SP3: variants seen among roughly 807,000 people sequenced by gnomAD.
SP3 encodes the protein transcription factor Sp3.
Under a neutral mutation model 70.3 loss-of-function variants are expected in SP3, and 10 were observed. The ratio of observed to expected loss-of-function variants is 0.14; its 90% CI spans 0.09 to 0.24. SP3 has a LOEUF of 0.24. Ranked by LOEUF, SP3 falls within the 10% of genes least tolerant of loss-of-function variation. The pLI is 1.00. For synonymous variants in SP3, 402 were observed against 333.5 expected, an observed-to-expected ratio of 1.21 and a Z score of -2.24; for missense variants, 825 against 914.6, an observed-to-expected ratio of 0.90 and a Z score of 1.26.
intron 4 of SP3, among the ~76,000 whole-genome samples, chr2:173,933,136 AT>A (rs959021430): frequency 9.9e-5 from 15 of 151,574 alleles, no homozygotes; most frequent in African/African-American, 2.7e-4. Context: ...CACATTCTTC[AT>A]TTTTTTTTAA....
rs980332957 is a variant in SP3 at position 173,904,440 on chromosome 2, T to G, written c.*5501A>C. ...AAAACTAAGTTGGGGAGTCTCTCTG[T>G]AAGGTTTTAAGGCTATCTTGTGGAA... On this transcript the variant is annotated 3_prime_UTR_variant, in exon 7 of 7. Transcript: ENST00000310015. 6.6e-6 allele frequency among the ~76,000 whole-genome samples: 1 copy of G among 152,030 alleles called. No homozygotes were observed. Among genetic ancestry groups the G allele is most frequent in the African/African-American group, 2.4e-5 (1 of 41,326 alleles).
Position 173,902,489 on chromosome 2 carries a change from G to A in SP3, c.*7452C>T, listed in dbSNP as rs1476012406. Reference sequence around the variant, plus strand: ...TTCAAGTTCTAGATACATATCTCAAGAAATGCTCACATGTACACAAGGAAA... The same window carrying A: ...TTCAAGTTCTAGATACATATCTCAAAAAATGCTCACATGTACACAAGGAAA... On this transcript the variant is annotated 3_prime_UTR_variant, in exon 7 of 7. Coordinates refer to ENST00000310015, the MANE Select transcript of SP3 (RefSeq NM_003111.5). Among the ~76,000 whole-genome samples, 1 of 152,164 alleles carries A rather than the reference G, an allele frequency of 6.6e-6. No individual in the cohort carries two copies. Among genetic ancestry groups the A allele is most frequent in the Non-Finnish European group, 1.5e-5 (1 of 68,026 alleles).
intron 4 of SP3, among the ~76,000 whole-genome samples, chr2:173,929,246 G>C (rs972024307): frequency 3.3e-5 from 5 of 152,128 alleles, no homozygotes; most frequent in African/African-American, 9.7e-5. Context: ...TAAAGGAAAG[G>C]GCAATTCAAT....
intron 5 of SP3, chr2:173,914,332 C>A (rs1230443003): frequency 6.6e-6 from 1 of 151,982 alleles, no homozygotes; most frequent in Admixed American, 6.6e-5. Flanking sequence ...CCCAATCTCA[C>A]AGTTTAGGCA....
rs71405167 is a variant in SP3, at chr2:173,933,638, T to TATA, written c.1640-14854_1640-14853insTAT. 6.4e-4 allele frequency among the ~76,000 whole-genome samples: 55 copies of TATA among 86,556 alleles called. 1 individual carries two copies. Among genetic ancestry groups the TATA allele is most frequent in the East Asian group, 1.9e-3 (6 of 3,104 alleles). The allele number at this position is 86,556 out of a possible 152,430, so 56.8% of individuals were successfully genotyped here. On this transcript the variant is annotated intron_variant, in intron 4 of 6. Transcript: ENST00000310015. Reference sequence around the variant, plus strand: ...ACAAATGACTAACATTTATAAAACTTTATATATATATATATATATATATAT... The same window carrying TATA: ...ACAAATGACTAACATTTATAAAACTTATATATATATATATATATATATATATAT...
At chr2:173,923,332 G>A (rs1304892401) in intron 4 of SP3, among the ~76,000 whole-genome samples, 2 of 151,538 alleles carry the variant, frequency 1.3e-5, no homozygotes, top group African/African-American at 4.8e-5. Flanking sequence ...GAATTGAAGA[G>A]AAAAAAACAG....
At chr2:173,941,597 C>T (rs1690374678) in intron 4 of SP3, among the ~76,000 whole-genome samples, 1 of 151,936 alleles carries the variant, frequency 6.6e-6, no homozygotes, top group Non-Finnish European at 1.5e-5. Context: ...GAGACCCTGC[C>T]TAAAAAAAAG....
At chr2:173,960,120 T>C (rs531729277) in intron 3 of SP3, among the ~76,000 whole-genome samples, 2 of 152,292 alleles carry the variant, frequency 1.3e-5, no homozygotes, top group South Asian at 4.1e-4. Flanking sequence ...CAGTGAGTTG[T>C]AATCACACAC....
chr2:173,964,873 G>A (rs941983928), intron 1 of SP3: 101 of 493,258 alleles, frequency 2.0e-4, no homozygotes, highest in Middle Eastern at 5.2e-4. Context: ...CTCTCGCACC[G>A]TCAGTCACTC....
chr2:173,911,800 ATC>A (rs1479988439), intron 6 of SP3, among the ~76,000 whole-genome samples: 4 of 146,704 alleles, frequency 2.7e-5, no homozygotes, highest in Non-Finnish European at 6.0e-5. Context: ...GCAACGCAAA[ATC>A]TTTTATCTAC....
rs1432054370 is a variant in SP3, at chr2:173,904,030, TCTAC to T, written c.*5907_*5910del. ...GGGGATGGTTGTAGGATGAAACTGC[TCTAC>T]CTCAGATCATCAGACATTAGATTCT... is the stretch of plus-strand genomic sequence containing the variant. On this transcript the variant is annotated 3_prime_UTR_variant, in exon 7 of 7. Coordinates refer to ENST00000310015, the MANE Select transcript of SP3 (RefSeq NM_003111.5). Among the ~76,000 whole-genome samples the T allele has an allele frequency of 6.6e-6, 1 of 152,138 alleles. No homozygotes were observed. The highest frequency in any genetic ancestry group is 1.5e-5 in the Non-Finnish European group (1 of 68,012).
At chr2:173,920,701 C>T (rs1483172243) in intron 4 of SP3, among the ~76,000 whole-genome samples, 2 of 152,074 alleles carry the variant, frequency 1.3e-5, no homozygotes, top group Admixed American at 6.6e-5. Context: ...AGTGATTCTC[C>T]TGCCTCAGCC....
At chr2:173,942,944 T>C (rs1353247233) in intron 4 of SP3, among the ~76,000 whole-genome samples, 1 of 152,194 alleles carries the variant, frequency 6.6e-6, no homozygotes, top group Non-Finnish European at 1.5e-5. Flanking sequence ...TTAGGTATTA[T>C]AAGTAACTAA....
At position 173,956,739 on chromosome 2, in the gene SP3, G is replaced by A. The variant is rs563918935; in HGVS notation, c.280-507C>T. On this transcript the variant is annotated intron_variant, in intron 3 of 6. Transcript: ENST00000310015. ...CTCATGGCTAGGGCTATTCCATTAA[G>A]CTATCAAACTCTACTTTTTCCATGA... 1.6e-4 allele frequency among the ~76,000 whole-genome samples: 25 copies of A among 152,212 alleles called. No individual in the cohort carries two copies. The East Asian group carries it at 4.1e-3, about 25-fold the overall frequency.
In SP3 at chr2:173,963,836, C is replaced by G; in HGVS notation, c.204G>C (p.Lys68Asn). Residue 68 changes from lysine to asparagine, a missense_variant, in exon 3 of 7, where the codon AAG becomes AAC. Physicochemically the swap from Lys to Asn is moderately conservative, Grantham distance 94. Coordinates refer to ENST00000310015, the MANE Select transcript of SP3 (RefSeq NM_003111.5). ...CGTCGCCCGGCGATGGCGGCCCTAT[C>G]TTGCTGCAGGTAGCGGCCAGCAGAG... ...PLALLAATCS[K>N]IGPPSPGDDE... The G allele has an allele frequency of 6.7e-7, 1 of 1,499,958 alleles. No homozygotes were observed. Among genetic ancestry groups the G allele is most frequent in the Non-Finnish European group, 8.9e-7 (1 of 1,120,134 alleles). The allele number at this position is 1,499,958 out of a possible 1,614,324, so 92.9% of individuals were successfully genotyped here. A position where few individuals can be genotyped will look rare whatever the true frequency, so the allele number is the denominator to read the frequency against.
In SP3 at chr2:173,964,571, G is replaced by A. The variant is rs1223513885; in HGVS notation, c.8-18C>T. On this transcript the variant is annotated intron_variant, in intron 1 of 6. Coordinates refer to ENST00000310015, the MANE Select transcript of SP3 (RefSeq NM_003111.5). ...TTCGGGAGCTGCAGGCACAGCGCGG[G>A]GGGGTGGGGGTGGGGAGGAAGGCGG... 2.4e-5 allele frequency: 16 copies of A among 676,322 alleles called. No homozygotes were observed. The highest frequency in any genetic ancestry group is 8.2e-6 in the Non-Finnish European group (3 of 364,064). 41.9% of individuals were successfully genotyped at this position (676,322 alleles called of 1,614,324 possible).
At chr2:173,910,293 A>G (rs1189962388) in intron 6 of SP3, 36 bp from the exon 7 acceptor site, 1 of 1,591,460 alleles carries the variant, frequency 6.3e-7, no homozygotes, top group Non-Finnish European at 8.6e-7. Context: ...TGGTTTTAAA[A>G]ATTCAACTTT....
chr2:173,942,648 G>A (rs1690406784), intron 4 of SP3, among the ~76,000 whole-genome samples: 1 of 152,098 alleles, frequency 6.6e-6, no homozygotes, highest in South Asian at 2.1e-4. Context: ...ACTAGATTCT[G>A]ATATTCCACT....
At chr2:173,927,286 T>C (rs1161441125) in intron 4 of SP3, among the ~76,000 whole-genome samples, 4 of 151,936 alleles carry the variant, frequency 2.6e-5, no homozygotes, top group Non-Finnish European at 4.4e-5. Context: ...CTTTTTTTTT[T>C]TTTTTTAAGA....
Sources: gnomAD v4.1 joint callset for allele counts (sites outside exome capture counted in the v4.1 genomes callset) on GRCh38, gnomAD v4.1.1 for gene constraint, MANE v1.5 for transcripts, NCBI Gene and HGNC (gene_info 2026-07-23, HGNC 2026-07-21) for gene names.